ZNRF3: variants seen among roughly 807,000 people sequenced by gnomAD.
ZNRF3 encodes E3 ubiquitin-protein ligase ZNRF3.
A neutral mutation model predicts 72.5 loss-of-function variants in ZNRF3; 23 were observed. The observed-to-expected ratio is 0.32, with a 90% CI of 0.23 to 0.45. The LOEUF (loss-of-function observed/expected upper bound fraction) is 0.45. Ranked by LOEUF, ZNRF3 falls within the 20% of genes least tolerant of loss-of-function variation. The pLI is 1.00. For synonymous variants in ZNRF3, 610 were observed against 545.3 expected, an observed-to-expected ratio of 1.12 and a Z score of -1.65; for missense variants, 1,169 against 1,272.1, an observed-to-expected ratio of 0.92 and a Z score of 1.23.
At chr22:29,013,987 GC>G (rs777389407) in intron 2 of ZNRF3, among the ~76,000 whole-genome samples, 1 of 152,182 alleles carries the variant, frequency 6.6e-6, no homozygotes, top group Non-Finnish European at 1.5e-5. Context: ...GTCTTGCATT[GC>G]TAATAATGCT....
intron 1 of ZNRF3, among the ~76,000 whole-genome samples, chr22:28,963,079 A>T (rs1215843939): frequency 1.3e-5 from 2 of 152,244 alleles, no homozygotes; most frequent in African/African-American, 4.8e-5. Flanking sequence ...GGGGCCCAAT[A>T]CTACTGTGAA....
intron 1 of ZNRF3, among the ~76,000 whole-genome samples, chr22:28,981,718 C>T (rs575573471): frequency 3.3e-5 from 5 of 152,146 alleles, no homozygotes; most frequent in Admixed American, 3.3e-4. Flanking sequence ...TGAGTTCAGC[C>T]GGGTGCGATG....
At chr22:28,924,662 A>G (rs2034568618) in intron 1 of ZNRF3, among the ~76,000 whole-genome samples, 1 of 152,148 alleles carries the variant, frequency 6.6e-6, no homozygotes, top group South Asian at 2.1e-4. Flanking sequence ...GCTTGAGCCC[A>G]TAAGTTCGAG....
At chr22:28,897,315 T>C (rs2034016260) in intron 1 of ZNRF3, among the ~76,000 whole-genome samples, 1 of 152,176 alleles carries the variant, frequency 6.6e-6, no homozygotes, top group African/African-American at 2.4e-5. Context: ...TGCTTTTCTT[T>C]CTTTTTTAGG....
At chr22:28,942,714 C>G (rs1228461961) in intron 1 of ZNRF3, among the ~76,000 whole-genome samples, 2 of 152,176 alleles carry the variant, frequency 1.3e-5, no homozygotes, top group Admixed American at 1.3e-4. Context: ...CACTTAAGAG[C>G]TGCAAACTCT....
intron 2 of ZNRF3, among the ~76,000 whole-genome samples, chr22:29,041,584 C>T (rs1368498893): frequency 6.6e-6 from 1 of 152,056 alleles, no homozygotes; most frequent in East Asian, 1.9e-4. Context: ...TCTGAATCCC[C>T]CAGAAAGCAT....
intron 1 of ZNRF3, among the ~76,000 whole-genome samples, chr22:28,919,562 C>T (rs1424886231): frequency 1.4e-5 from 2 of 147,362 alleles, no homozygotes; most frequent in Non-Finnish European, 1.5e-5. Flanking sequence ...TTTTTTGAGA[C>T]GGAGTCTTAC....
chr22:29,050,117 C>T lies in ZNRF3; in HGVS notation c.1936C>T (p.Pro646Ser), dbSNP rs2037167178. The T allele has an allele frequency of 6.2e-7, 1 of 1,607,058 alleles. No individual in the cohort carries two copies. ...CAGTCATGGTGCTGGGCGGGGCGAGCCTTGGCCGGGCCCTGCCTCTCCCTC... is the reference window on the plus strand; with the variant it reads ...CAGTCATGGTGCTGGGCGGGGCGAGTCTTGGCCGGGCCCTGCCTCTCCCTC... ...VHSHGAGRGE[P>S]WPGPASPSGD... Residue 646 changes from proline to serine, a missense_variant, in exon 8 of 9, where the codon CCT becomes TCT. Coordinates refer to ENST00000544604, the MANE Select transcript of ZNRF3 (RefSeq NM_001206998.2).
intron 2 of ZNRF3, among the ~76,000 whole-genome samples, chr22:29,036,968 G>A (rs2036877498): frequency 6.6e-6 from 1 of 152,208 alleles, no homozygotes; most frequent in African/African-American, 2.4e-5. Flanking sequence ...TCCTGTAAGA[G>A]GTTGAAGACA....
intron 1 of ZNRF3, among the ~76,000 whole-genome samples, chr22:28,906,660 T>C (rs543655782): frequency 6.6e-5 from 10 of 152,320 alleles, no homozygotes; most frequent in Middle Eastern, 3.4e-3. Flanking sequence ...ATTGTGACTC[T>C]CAAAGGGTTC....
intron 1 of ZNRF3, among the ~76,000 whole-genome samples, chr22:28,886,907 G>C (rs532300796): frequency 2.6e-5 from 4 of 152,264 alleles, no homozygotes; most frequent in African/African-American, 9.6e-5. Flanking sequence ...AGTGAGCCAT[G>C]ATTACACCAC....
chr22:29,050,516 T>C lies in ZNRF3; in HGVS notation c.2335T>C (p.Cys779Arg). 1.2e-6 allele frequency: 2 copies of C among 1,612,420 alleles called. No homozygotes were observed. Among genetic ancestry groups the C allele is most frequent in the South Asian group, 2.2e-5 (2 of 90,988 alleles). The change falls in exon 8 of 9, where the codon TGC (cysteine) becomes CGC (arginine). Residue 779 changes from cysteine (C) to arginine (R), a missense_variant. This residue lies in a region of ZNRF3 where 783 missense variants were observed against 731.4 expected (regional missense o/e 1.07). Coordinates refer to ENST00000544604, the MANE Select transcript of ZNRF3 (RefSeq NM_001206998.2). The part of the protein sequence containing the change: ...TDGVKYEGLP[C>R]CFYEEKQVAR... ...TGGGGTGAAATACGAGGGTCTGCCC[T>C]GCTGCTTCTATGAAGAGAAGCAGGT...
chr22:28,944,163 A>G (rs532506343), intron 1 of ZNRF3, among the ~76,000 whole-genome samples: 19 of 152,320 alleles, frequency 1.2e-4, no homozygotes, highest in African/African-American at 4.1e-4. Flanking sequence ...TAGCAGTACA[A>G]TGTATCAAGA....
intron 5 of ZNRF3, 42 bp from the exon 6 acceptor site, chr22:29,046,674 A>C (rs774939082): frequency 6.7e-7 from 1 of 1,503,624 alleles, no homozygotes; most frequent in Non-Finnish European, 8.9e-7. Context: ...TGCCACTTTC[A>C]TACGTACTGG....
At chr22:29,022,638 AC>A (rs2036561016) in intron 2 of ZNRF3, among the ~76,000 whole-genome samples, 1 of 152,254 alleles carries the variant, frequency 6.6e-6, no homozygotes, top group Admixed American at 6.5e-5. Flanking sequence ...TGTCCGTCTT[AC>A]AAGTCTGAGT....
intron 2 of ZNRF3, among the ~76,000 whole-genome samples, chr22:29,039,060 A>G (rs1433279735): frequency 2.0e-5 from 3 of 152,120 alleles, no homozygotes; most frequent in Non-Finnish European, 4.4e-5. Flanking sequence ...CCGTGCAACT[A>G]CAACCAGCTG....
chr22:29,046,529 G>A (rs950021440), intron 5 of ZNRF3, among the ~76,000 whole-genome samples, 187 bp from the exon 6 acceptor site: 9 of 152,098 alleles, frequency 5.9e-5, no homozygotes, highest in Non-Finnish European at 8.8e-5. Flanking sequence ...GGTTGATGTC[G>A]TGGACACCCC....
intron 2 of ZNRF3, among the ~76,000 whole-genome samples, chr22:28,990,251 T>C (rs1159353378): frequency 6.6e-6 from 1 of 152,246 alleles, no homozygotes; most frequent in Non-Finnish European, 1.5e-5. Flanking sequence ...TTCTGTATCA[T>C]ATTTAAAATC....
intron 1 of ZNRF3, among the ~76,000 whole-genome samples, chr22:28,902,726 G>A (rs2034131968): frequency 6.6e-6 from 1 of 152,138 alleles, no homozygotes; most frequent in Admixed American, 6.5e-5. Context: ...CTCAGTTTCT[G>A]CATCTGTAAA....
Sources: gnomAD v4.1 joint callset for allele counts (sites outside exome capture counted in the v4.1 genomes callset) on GRCh38, gnomAD v4.1.1 for gene constraint, gnomAD v4.1.1 regional missense constraint, MANE v1.5 for transcripts, NCBI Gene and HGNC (gene_info 2026-07-23, HGNC 2026-07-21) for gene names.